CACNA2D2: variants seen among roughly 807,000 people sequenced by gnomAD.
The protein encoded by CACNA2D2 is voltage-dependent calcium channel subunit alpha-2/delta-2.
Under a neutral mutation model 166.4 loss-of-function variants are expected in CACNA2D2, and 48 were observed. That is an observed-to-expected ratio of 0.29 (90% CI 0.23 to 0.37). The LOEUF is 0.37. Among genes scored for constraint, CACNA2D2 ranks in the 10% least tolerant of loss-of-function variants. The pLI, the probability that CACNA2D2 is intolerant of heterozygous loss-of-function variation, is 1.00. For synonymous variants in CACNA2D2, 561 were observed against 573.7 expected, an observed-to-expected ratio of 0.98 and a Z score of 0.32; for missense variants, 1,122 against 1,433.0, an observed-to-expected ratio of 0.78 and a Z score of 3.50.
Position 50,367,084 on chromosome 3 carries a change from C to T in CACNA2D2, c.2427G>A (p.Glu809=). Residue 809 remains glutamate, a synonymous_variant, in exon 28 of 38, where the codon GAG becomes GAA. Transcript: ENST00000424201. This position sits in a 1 kb window ranked among gnomAD's most constrained non-coding sequence, Gnocchi z 6.5. The stretch of plus-strand genomic sequence containing the variant: ...TGACGAGGATGCCCACAGTGTCATT[C>T]TCCAGCTCCAGCGGCCTTAACAGGG... ...QDALLRPLEL[E]NDTVGILVST... 2.5e-6 allele frequency: 4 copies of T among 1,613,656 alleles called. No individual in the cohort carries two copies. The highest frequency in any genetic ancestry group is 3.4e-6 in the Non-Finnish European group (4 of 1,180,016).
chr3:50,396,174 C>A (rs773213465), intron 3 of CACNA2D2, among the ~76,000 whole-genome samples: 1 of 152,038 alleles, frequency 6.6e-6, no homozygotes. Flanking sequence ...GACCCTCAGA[C>A]CCACCTGAGC....
intron 1 of CACNA2D2, among the ~76,000 whole-genome samples, chr3:50,476,671 T>G (rs1272606139): frequency 3.3e-5 from 5 of 152,136 alleles, no homozygotes; most frequent in Non-Finnish European, 7.4e-5. Flanking sequence ...ACCAAGTCAT[T>G]GTGTAACTGG....
At chr3:50,369,713 G>A (rs2109419015) in intron 23 of CACNA2D2, among the ~76,000 whole-genome samples, 1 of 152,366 alleles carries the variant, frequency 6.6e-6, no homozygotes, top group African/African-American at 2.4e-5. Context: ...ACATGAGAAC[G>A]TGTGTGTGCA....
rs1704020066 is a variant in CACNA2D2 at position 50,363,094 on chromosome 3, T to A, written c.*1572A>T. ...ACCTGATGGGGATTGTTTTGTCTGT[T>A]TTTCTGTTTTTTAAACTTAAAATAT... On this transcript the variant is annotated 3_prime_UTR_variant, in exon 38 of 38. Coordinates refer to ENST00000424201, the MANE Select transcript of CACNA2D2 (RefSeq NM_006030.4). 1.3e-5 allele frequency: 5 copies of A among 398,670 alleles called. No individual in the cohort carries two copies. In the East Asian group the frequency reaches 1.8e-4, roughly 14 times the overall value. 24.7% of individuals were successfully genotyped at this position (398,670 alleles called of 1,614,324 possible).
chr3:50,483,966 G>A (rs1314788975), intron 1 of CACNA2D2, among the ~76,000 whole-genome samples: 10 of 152,150 alleles, frequency 6.6e-5, no homozygotes, highest in East Asian at 1.9e-4. Flanking sequence ...ACAAACACCC[G>A]TCAGGCCGCA....
intron 5 of CACNA2D2, 83 bp from the exon 6 acceptor site, chr3:50,384,420 G>A: frequency 1.3e-6 from 2 of 1,507,954 alleles, no homozygotes; most frequent in Non-Finnish European, 9.1e-7. Flanking sequence ...GGGGCAGGGA[G>A]GGCCAGAGTC....
At chr3:50,417,891 T>C (rs1250700757) in intron 3 of CACNA2D2, among the ~76,000 whole-genome samples, 1 of 152,178 alleles carries the variant, frequency 6.6e-6, no homozygotes, top group Non-Finnish European at 1.5e-5. Flanking sequence ...TGGCACACAG[T>C]AGACACTTAG....
chr3:50,403,407 C>G (rs944203542), intron 3 of CACNA2D2, among the ~76,000 whole-genome samples: 1 of 152,180 alleles, frequency 6.6e-6, no homozygotes, highest in Non-Finnish European at 1.5e-5. Context: ...TTTATGCCAA[C>G]GGGCTGCCCT....
At position 50,503,489 on chromosome 3, in the gene CACNA2D2, G is replaced by C. The variant is rs1350180855; in HGVS notation, c.-66C>G. ...TGGCGGCGGCGGCGGCGGCGGCGGG[G>C]TTGGGGGGGCGCGGGCGGCGGGCGG... On this transcript the variant is annotated 5_prime_UTR_variant, in exon 1 of 38. Coordinates refer to ENST00000424201, the MANE Select transcript of CACNA2D2 (RefSeq NM_006030.4). 6.5e-6 allele frequency: 1 copy of C among 153,552 alleles called. No individual in the cohort carries two copies. The highest frequency in any genetic ancestry group is 2.6e-5 in the African/African-American group (1 of 38,830). 9.5% of individuals were successfully genotyped at this position (153,552 alleles called of 1,614,324 possible).
intron 1 of CACNA2D2, among the ~76,000 whole-genome samples, chr3:50,480,105 G>A (rs993734353): frequency 1.3e-5 from 2 of 152,118 alleles, no homozygotes; most frequent in South Asian, 2.1e-4. Flanking sequence ...CCATTTCCCA[G>A]ACAAGAAAAT....
intron 1 of CACNA2D2, among the ~76,000 whole-genome samples, chr3:50,501,977 A>G (rs539168239): frequency 1.3e-5 from 2 of 152,292 alleles, no homozygotes; most frequent in African/African-American, 4.8e-5. Flanking sequence ...GAGCACAGCC[A>G]GGCTGTGCAA....
At position 50,501,909 on chromosome 3, in the gene CACNA2D2, C is replaced by CGGTTGACA. The variant is rs560974697; in HGVS notation, c.206+1301_206+1308dup. 2.0e-3 allele frequency among the ~76,000 whole-genome samples: 299 copies of CGGTTGACA among 152,284 alleles called. 3 individuals are homozygous for CGGTTGACA. The highest frequency in any genetic ancestry group is 8.7e-3 in the South Asian group (42 of 4,818). On this transcript the variant is annotated intron_variant, in intron 1 of 37. Coordinates refer to ENST00000424201, the MANE Select transcript of CACNA2D2 (RefSeq NM_006030.4). ...CAAACACACATGTGAAAAATCCAGA[C>CGGTTGACA]GGTTGACAGAGGACACGTCCGTGCG...
intron 37 of CACNA2D2, 31 bp downstream of exon 37, chr3:50,364,857 G>A (rs763053556): frequency 3.7e-6 from 6 of 1,613,134 alleles, no homozygotes; most frequent in Non-Finnish European, 5.1e-6. Context: ...CAAGGCCGCG[G>A]GATTTCGGGT....
intron 3 of CACNA2D2, among the ~76,000 whole-genome samples, chr3:50,405,924 C>A (rs925007777): frequency 1.3e-5 from 2 of 152,162 alleles, no homozygotes; most frequent in East Asian, 1.9e-4. Context: ...ACTTCCTAGG[C>A]CTGCCACTCA....
chr3:50,418,775 G>A (rs1707401838), intron 3 of CACNA2D2, among the ~76,000 whole-genome samples: 2 of 152,364 alleles, frequency 1.3e-5, no homozygotes, highest in Admixed American at 1.3e-4. Flanking sequence ...GGAATGCAGG[G>A]GTGGGGCCCC....
chr3:50,473,764 G>A (rs1358874747), intron 2 of CACNA2D2, among the ~76,000 whole-genome samples: 2 of 152,162 alleles, frequency 1.3e-5, no homozygotes, highest in Non-Finnish European at 2.9e-5. Flanking sequence ...TCTTCCTCTA[G>A]AACTCTACAC....
At chr3:50,414,351 G>T (rs1212925124) in intron 3 of CACNA2D2, among the ~76,000 whole-genome samples, 2 of 152,168 alleles carry the variant, frequency 1.3e-5, no homozygotes, top group Admixed American at 1.3e-4. Context: ...TGGGGTCTCT[G>T]CAGTCTTCTC....
chr3:50,380,870 C>T lies in CACNA2D2; in HGVS notation c.785-65G>A, dbSNP rs1705269525. The T allele has an allele frequency of 1.2e-5, 18 of 1,530,698 alleles. 1 individual carries two copies. The highest frequency in any genetic ancestry group is 3.6e-4 in the Middle Eastern group (2 of 5,594). 94.8% of individuals were successfully genotyped at this position (1,530,698 alleles called of 1,614,324 possible). A position where few individuals can be genotyped will look rare whatever the true frequency, so the allele number is the denominator to read the frequency against. ...GGCTGGCCTGGGTAGGCAGACCTTG[C>T]AGAGGCGACTGGGCTGCCACAGACT... is the stretch of plus-strand genomic sequence containing the variant. On this transcript the variant is annotated intron_variant, in intron 7 of 37. Transcript: ENST00000424201. The surrounding 1 kb of genome is among the most constrained non-coding windows in gnomAD (Gnocchi z 4.9).
chr3:50,386,648 C>A (rs1372784055), intron 5 of CACNA2D2, among the ~76,000 whole-genome samples: 1 of 152,204 alleles, frequency 6.6e-6, no homozygotes, highest in Non-Finnish European at 1.5e-5. Flanking sequence ...GGGATCCTTT[C>A]CAGCCTTCTC....
Sources: gnomAD v4.1 joint callset for allele counts (sites outside exome capture counted in the v4.1 genomes callset) on GRCh38, gnomAD v4.1.1 for gene constraint, Gnocchi (gnomAD v3.1) non-coding constraint, MANE v1.5 for transcripts, NCBI Gene and HGNC (gene_info 2026-07-23, HGNC 2026-07-21) for gene names.